Variants in CSMD2 observed in about 807,000 individuals in gnomAD.
The protein encoded by CSMD2 is CUB and sushi domain-containing protein 2.
Under a neutral mutation model 398.5 loss-of-function variants are expected in CSMD2, and 130 were observed. That is an observed-to-expected ratio of 0.33 (90% CI 0.28 to 0.38). CSMD2 has a LOEUF of 0.38. Among genes scored for constraint, CSMD2 ranks in the 10% least tolerant of loss-of-function variants. The pLI is 1.00. For missense variants in CSMD2, 3,829 were observed against 4,764.9 expected, an observed-to-expected ratio of 0.80 and a Z score of 5.78; for synonymous variants, 1,828 against 1,908.5, an observed-to-expected ratio of 0.96 and a Z score of 1.10.
At chr1:33,612,358 C>T (rs1014471976) in intron 40 of CSMD2, among the ~76,000 whole-genome samples, 1 of 152,202 alleles carries the variant, frequency 6.6e-6, no homozygotes, top group Non-Finnish European at 1.5e-5. Context: ...CTTTCATCTC[C>T]TGCCCTGTTC....
At chr1:34,080,755 T>C (rs1303853588) in intron 2 of CSMD2, among the ~76,000 whole-genome samples, 5 of 151,680 alleles carry the variant, frequency 3.3e-5, no homozygotes, top group African/African-American at 9.7e-5. Flanking sequence ...ATTTACAAAA[T>C]TGGCAAAAGA....
intron 1 of CSMD2, among the ~76,000 whole-genome samples, chr1:34,144,318 A>G (rs141275091): frequency 6.6e-6 from 1 of 152,332 alleles, no homozygotes; most frequent in Non-Finnish European, 1.5e-5. Context: ...AGGGGAATGA[A>G]TTCCCAGTCC....
Position 33,728,993 on chromosome 1 carries a change from T to C in CSMD2, c.2369-2308A>G, listed in dbSNP as rs191251630. ...TTCCTCCATTTCTCAGGTGGACACA[T>C]GAGACCTTAGAGGTGGGGAGGGGCG... On this transcript the variant is annotated intron_variant, in intron 15 of 70. Coordinates refer to ENST00000373381, the MANE Select transcript of CSMD2 (RefSeq NM_001281956.2). Among the ~76,000 whole-genome samples, 525 of 144,348 alleles carry C rather than the reference T, an allele frequency of 3.6e-3. 3 individuals are homozygous for C. Among genetic ancestry groups the C allele is most frequent in the African/African-American group, 0.015 (500 of 34,202 alleles). The allele number at this position is 144,348 out of a possible 152,430, so 94.7% of individuals were successfully genotyped here.
intron 25 of CSMD2, among the ~76,000 whole-genome samples, chr1:33,689,678 C>A (rs889010873): frequency 6.6e-6 from 1 of 152,132 alleles, no homozygotes. Context: ...TAATGCTGTG[C>A]CTTTTAGGTA....
chr1:33,762,605 A>C (rs1379401025), intron 13 of CSMD2, among the ~76,000 whole-genome samples: 2 of 152,184 alleles, frequency 1.3e-5, no homozygotes. Flanking sequence ...TTTTGGACAG[A>C]TTCCTGGGTT....
At chr1:34,057,889 T>A (rs562389759) in intron 2 of CSMD2, among the ~76,000 whole-genome samples, 1 of 152,270 alleles carries the variant, frequency 6.6e-6, no homozygotes, top group Non-Finnish European at 1.5e-5. Flanking sequence ...GCACCACACA[T>A]CTGAGCACTG....
chr1:33,749,400 A>G (rs1343011030), intron 13 of CSMD2, among the ~76,000 whole-genome samples: 2 of 152,128 alleles, frequency 1.3e-5, no homozygotes, highest in African/African-American at 4.8e-5. Flanking sequence ...CGCCCAGCCA[A>G]TACAGACTTC....
chr1:33,677,563 A>G (rs988104147), intron 25 of CSMD2, among the ~76,000 whole-genome samples: 2 of 152,144 alleles, frequency 1.3e-5, no homozygotes, highest in African/African-American at 2.4e-5. Context: ...TTCCTCAGGG[A>G]TCTAGAACTA....
chr1:34,060,542 C>A (rs1187955588), intron 2 of CSMD2, among the ~76,000 whole-genome samples: 1 of 152,088 alleles, frequency 6.6e-6, no homozygotes, highest in African/African-American at 2.4e-5. Flanking sequence ...CCCTCCCCAG[C>A]GTACCTCGCC....
intron 64 of CSMD2, among the ~76,000 whole-genome samples, chr1:33,531,426 C>G (rs1227459188): frequency 3.3e-5 from 5 of 152,124 alleles, no homozygotes; most frequent in African/African-American, 1.2e-4. Context: ...AAAACTTTGG[C>G]AATTCCTCAA....
chr1:33,716,459 T>C lies in CSMD2; in HGVS notation c.3044A>G (p.His1015Arg), dbSNP rs1646171307. The change falls in exon 20 of 71, where the codon CAT (histidine) becomes CGT (arginine). Residue 1015 changes from histidine (H) to arginine (R), a missense_variant. Physicochemically the swap from His to Arg is conservative, Grantham distance 29. Transcript: ENST00000373381. ...GTTCTCAGTGATGAGGAGGTAGTCATGGCCACTTTCCAGGTGGAAGGTGTG... is the reference window on the plus strand; with the variant it reads ...GTTCTCAGTGATGAGGAGGTAGTCACGGCCACTTTCCAGGTGGAAGGTGTG... ...TFHTFHLESG[H>R]DYLLITENGS... 2.5e-6 allele frequency: 4 copies of C among 1,613,880 alleles called. No homozygotes were observed. The highest frequency in any genetic ancestry group is 4.5e-5 in the East Asian group (2 of 44,876).
chr1:33,724,285 G>C lies in CSMD2; in HGVS notation c.2913C>G (p.Ser971=). The change falls in exon 19 of 71, where the codon TCC becomes TCG. Residue 971 remains serine (S), a synonymous_variant. Transcript: ENST00000373381. Reference sequence around the variant, plus strand: ...ACCCTGGCGACAAGATGGTCCCACTGGAGCCTTGAATGAAGCCACCACAGA... The same window carrying C: ...ACCCTGGCGACAAGATGGTCCCACTCGAGCCTTGAATGAAGCCACCACAGA... ...EALCGGFIQG[S]SGTILSPGFP... is the part of the protein sequence containing the mutation. 6.2e-7 allele frequency: 1 copy of C among 1,614,040 alleles called. No homozygotes were observed. The highest frequency in any genetic ancestry group is 8.5e-7 in the Non-Finnish European group (1 of 1,179,932).
At chr1:34,006,455 C>A (rs1185504387) in intron 3 of CSMD2, among the ~76,000 whole-genome samples, 1 of 152,126 alleles carries the variant, frequency 6.6e-6, no homozygotes, top group East Asian at 1.9e-4. Flanking sequence ...CCACCGTTCA[C>A]CTCCACACTG....
intron 28 of CSMD2, among the ~76,000 whole-genome samples, chr1:33,650,914 T>C (rs1198060700): frequency 2.6e-5 from 4 of 152,230 alleles, no homozygotes; most frequent in African/African-American, 4.8e-5. Context: ...TACAATTTTA[T>C]AGGAGTTGAA....
chr1:34,085,378 C>CAATAAT (rs60890896), intron 2 of CSMD2, among the ~76,000 whole-genome samples: 11,272 of 149,234 alleles, frequency 0.076, 1,404 homozygotes, highest in African/African-American at 0.26. Context: ...CTTAAAAGTA[C>CAATAAT]AATAATAATA....
intron 41 of CSMD2, among the ~76,000 whole-genome samples, chr1:33,607,874 C>T (rs1640728418): frequency 1.3e-5 from 2 of 152,210 alleles, no homozygotes; most frequent in Non-Finnish European, 2.9e-5. Flanking sequence ...TGTCGCTGTG[C>T]CTCTCACATG....
chr1:33,564,022 G>A (rs988256093), intron 53 of CSMD2, among the ~76,000 whole-genome samples: 1 of 151,806 alleles, frequency 6.6e-6, no homozygotes, highest in Non-Finnish European at 1.5e-5. Context: ...TAGTGTAAGA[G>A]ATCCTGGATT....
At chr1:34,140,939 C>T (rs1039169558) in intron 1 of CSMD2, among the ~76,000 whole-genome samples, 4 of 152,076 alleles carry the variant, frequency 2.6e-5, no homozygotes, top group African/African-American at 7.2e-5. Flanking sequence ...CTGTCCCCCT[C>T]CAGCCTCACT....
intron 53 of CSMD2, among the ~76,000 whole-genome samples, chr1:33,565,588 G>C (rs1334874380): frequency 6.6e-6 from 1 of 151,976 alleles, no homozygotes; most frequent in Admixed American, 6.6e-5. Context: ...CCACACTAAA[G>C]CCATAAAATG....
Sources: allele counts gnomAD v4.1 joint callset (sites outside exome capture counted in the v4.1 genomes callset), GRCh38; gene constraint gnomAD v4.1.1; transcripts MANE v1.5; gene names NCBI Gene and HGNC (gene_info 2026-07-23, HGNC 2026-07-21).